EYS: variants seen among roughly 807,000 people sequenced by gnomAD.
The protein encoded by EYS is protein eyes shut homolog.
A neutral mutation model predicts 282.1 loss-of-function variants in EYS; 250 were observed. The observed-to-expected ratio is 0.89, with a 90% confidence interval of 0.80 to 0.98. The LOEUF (loss-of-function observed/expected upper bound fraction) is 0.98. Among genes scored for constraint, EYS ranks in the 50% least tolerant of loss-of-function variants. The pLI is 0.00. For missense variants in EYS, 4,016 were observed against 3,709.0 expected (o/e 1.08, Z -2.15); for synonymous variants, 1,355 against 1,282.9 (o/e 1.06, Z -1.20).
chr6:64,678,722 C>T (rs1769786194), intron 22 of EYS, among the ~76,000 whole-genome samples: 1 of 152,062 alleles, frequency 6.6e-6, no homozygotes, highest in African/African-American at 2.4e-5. Flanking sequence ...CAGTGGCTCT[C>T]GCCTGTCATC....
chr6:65,527,497 A>G (rs1048822903), intron 2 of EYS, among the ~76,000 whole-genome samples: 1 of 152,220 alleles, frequency 6.6e-6, no homozygotes, highest in Non-Finnish European at 1.5e-5. Flanking sequence ...AACAGATGAC[A>G]TACCTTTTAA....
rs1299735698 is a variant in EYS, at chr6:64,019,862, A to ACACT, written c.6726-20680_6726-20679insAGTG. ...TATGTATATATAAGTATATATATAT[A>ACACT]TATATACTTACATATATAAGTGTAT... On this transcript the variant is annotated intron_variant, in intron 33 of 42. Coordinates refer to ENST00000503581, the MANE Select transcript of EYS (RefSeq NM_001142800.2). 7.6e-3 allele frequency among the ~76,000 whole-genome samples: 1,125 copies of ACACT among 147,864 alleles called. 9 individuals carry two copies. Among genetic ancestry groups the ACACT allele is most frequent in the African/African-American group, 0.026 (1,041 of 40,640 alleles).
intron 41 of EYS, among the ~76,000 whole-genome samples, chr6:63,753,738 A>G (rs1304983468): frequency 6.6e-6 from 1 of 152,190 alleles, no homozygotes; most frequent in African/African-American, 2.4e-5. Flanking sequence ...ATTTGAGTGG[A>G]GACAGAGAGC....
intron 22 of EYS, among the ~76,000 whole-genome samples, chr6:64,647,302 A>C: frequency 6.6e-6 from 1 of 152,064 alleles, no homozygotes; most frequent in East Asian, 1.9e-4. Flanking sequence ...AAATTAATGC[A>C]AAAAAAGAAC....
chr6:64,500,203 G>C (rs867151173), intron 26 of EYS, among the ~76,000 whole-genome samples: 17 of 151,974 alleles, frequency 1.1e-4, no homozygotes, highest in Admixed American at 3.3e-4. Context: ...ATCTTTTCAG[G>C]TATCTTTATT....
intron 12 of EYS, among the ~76,000 whole-genome samples, chr6:65,119,591 A>C (rs1271428124): frequency 6.6e-6 from 1 of 151,850 alleles, no homozygotes; most frequent in Non-Finnish European, 1.5e-5. Context: ...ACACTCTGGT[A>C]AAAAGAATCC....
At chr6:65,607,826 G>A (rs1431348388) in intron 2 of EYS, among the ~76,000 whole-genome samples, 2 of 151,878 alleles carry the variant, frequency 1.3e-5, no homozygotes, top group Non-Finnish European at 2.9e-5. Context: ...TTATTGTTTA[G>A]TTGGAAAATA....
rs142457555 is a variant in EYS, at chr6:64,157,960, C to T, written c.6424+72632G>A. On this transcript the variant is annotated intron_variant, in intron 31 of 42. Transcript: ENST00000503581. ...GACCCCAGAATAGTAGATCCAGCTA[C>T]AGCTTGCACCGTTTGGCTGGAAAAG... Among the ~76,000 whole-genome samples, 520 of 152,300 alleles carry T rather than the reference C, an allele frequency of 3.4e-3. 3 individuals are homozygous for T. The highest frequency in any genetic ancestry group is 0.012 in the African/African-American group (500 of 41,562).
intron 36 of EYS, among the ~76,000 whole-genome samples, chr6:63,841,682 C>A (rs942653558): frequency 6.6e-6 from 1 of 152,102 alleles, no homozygotes; most frequent in African/African-American, 2.4e-5. Context: ...CATAGGTGTA[C>A]ATGTGCCATG....
At chr6:63,745,705 G>T (rs1306010539) in intron 41 of EYS, among the ~76,000 whole-genome samples, 4 of 152,152 alleles carry the variant, frequency 2.6e-5, no homozygotes, top group Non-Finnish European at 5.9e-5. Flanking sequence ...TATTTTCAAA[G>T]AAACAAAGAC....
chr6:64,012,813 G>A (rs1175245445), intron 33 of EYS, among the ~76,000 whole-genome samples: 2 of 152,178 alleles, frequency 1.3e-5, no homozygotes, highest in Non-Finnish European at 2.9e-5. Context: ...AAGCCACAGT[G>A]TCAGGACTTT....
intron 12 of EYS, among the ~76,000 whole-genome samples, chr6:65,079,152 G>A (rs1361807385): frequency 6.6e-6 from 1 of 151,992 alleles, no homozygotes; most frequent in Non-Finnish European, 1.5e-5. Flanking sequence ...TACTAAAGCT[G>A]ACAGAGTATT....
intron 22 of EYS, among the ~76,000 whole-genome samples, chr6:64,741,699 G>C (rs2149961529): frequency 6.6e-6 from 1 of 152,316 alleles, no homozygotes; most frequent in Admixed American, 6.5e-5. Flanking sequence ...GTACTTTTAT[G>C]TTATGGAAAT....
chr6:63,999,937 C>G (rs1161719558), intron 33 of EYS, among the ~76,000 whole-genome samples: 1 of 152,056 alleles, frequency 6.6e-6, no homozygotes, highest in Non-Finnish European at 1.5e-5. Flanking sequence ...CATATTGTAT[C>G]AACAGTAACT....
intron 31 of EYS, among the ~76,000 whole-genome samples, chr6:64,215,832 A>G (rs916891327): frequency 6.2e-4 from 94 of 152,208 alleles, no homozygotes; most frequent in African/African-American, 2.1e-3. Flanking sequence ...TAAATACAAT[A>G]GAGAAAGGCA....
intron 19 of EYS, among the ~76,000 whole-genome samples, chr6:64,858,870 A>C (rs1038131774): frequency 1.3e-5 from 2 of 152,208 alleles, no homozygotes; most frequent in Non-Finnish European, 2.9e-5. Flanking sequence ...ACAAACATAT[A>C]GCTAACATCA....
intron 5 of EYS, among the ~76,000 whole-genome samples, chr6:65,476,179 T>A (rs9363375): frequency 0.21 from 32,295 of 152,090 alleles, 3,776 homozygotes; most frequent in Middle Eastern, 0.31. Context: ...AAACACCAAA[T>A]GGTGGCCTCA....
chr6:64,143,099 T>C (rs1774392735), intron 31 of EYS, among the ~76,000 whole-genome samples: 1 of 152,172 alleles, frequency 6.6e-6, no homozygotes, highest in Admixed American at 6.5e-5. Flanking sequence ...AGATTCCAAC[T>C]ATGTGATATT....
chr6:64,074,760 C>T (rs770029911), intron 32 of EYS, among the ~76,000 whole-genome samples: 1 of 151,898 alleles, frequency 6.6e-6, no homozygotes, highest in Non-Finnish European at 1.5e-5. Flanking sequence ...ACCTGGATTT[C>T]TATCATCTAC....
Sources: gnomAD v4.1 joint callset for allele counts (sites outside exome capture counted in the v4.1 genomes callset) on GRCh38, gnomAD v4.1.1 for gene constraint, MANE v1.5 for transcripts, NCBI Gene and HGNC (gene_info 2026-07-23, HGNC 2026-07-21) for gene names.